The following NEGR1 variants were observed in gnomAD, a reference collection of about 807,000 sequenced individuals.
NEGR1 encodes the protein neuronal growth regulator 1.
In NEGR1, 10 loss-of-function variants were observed where a neutral mutation model predicts 40.9. The observed-to-expected ratio is 0.24, with a 90% CI of 0.15 to 0.42. The LOEUF (loss-of-function observed/expected upper bound fraction) is 0.42, where lower values mean the gene tolerates loss of function less well. Ranked by LOEUF, NEGR1 falls within the 10% of genes least tolerant of loss-of-function variation. The pLI, the probability that NEGR1 is intolerant of heterozygous loss-of-function variation, is 1.00. For missense variants in NEGR1, 352 were observed against 438.9 expected (o/e 0.80, Z 1.77); for synonymous variants, 185 against 166.8 (o/e 1.11, Z -0.84).
At chr1:72,202,678 G>C (rs1653258540) in intron 1 of NEGR1, among the ~76,000 whole-genome samples, 1 of 151,986 alleles carries the variant, frequency 6.6e-6, no homozygotes, top group African/African-American at 2.4e-5. Flanking sequence ...TGAAGGCTAG[G>C]AGAGGTGAAG....
intron 2 of NEGR1, among the ~76,000 whole-genome samples, chr1:71,928,584 TC>T (rs1480278553): frequency 5.4e-5 from 8 of 148,416 alleles, no homozygotes; most frequent in African/African-American, 2.0e-4. Context: ...ATATTTTTTT[TC>T]CTGAGACAGC....
At chr1:71,816,532 A>G (rs1278919759) in intron 2 of NEGR1, among the ~76,000 whole-genome samples, 4 of 152,036 alleles carry the variant, frequency 2.6e-5, no homozygotes, top group Non-Finnish European at 5.9e-5. Flanking sequence ...TTATAAAACC[A>G]TCAGATCTCA....
chr1:71,710,348 A>G (rs1048259608), intron 3 of NEGR1, among the ~76,000 whole-genome samples: 4 of 152,348 alleles, frequency 2.6e-5, no homozygotes, highest in South Asian at 2.1e-4. Flanking sequence ...TTGAGCTACC[A>G]TATGATGCAG....
At chr1:71,628,820 A>C (rs1650877055) in intron 4 of NEGR1, among the ~76,000 whole-genome samples, 1 of 152,026 alleles carries the variant, frequency 6.6e-6, no homozygotes, top group African/African-American at 2.4e-5. Flanking sequence ...ATCACTGATG[A>C]ACATTTGGGT....
intron 1 of NEGR1, among the ~76,000 whole-genome samples, chr1:71,979,051 T>C (rs1034955704): frequency 6.6e-6 from 1 of 152,142 alleles, no homozygotes; most frequent in Admixed American, 6.5e-5. Context: ...AACCATGTCC[T>C]TTGCAGGAAC....
chr1:71,780,040 C>CGAAAAAAAAAAAAA (rs1656652545), intron 2 of NEGR1, among the ~76,000 whole-genome samples: 1 of 99,734 alleles, frequency 1.0e-5, no homozygotes, highest in South Asian at 3.1e-4. Flanking sequence ...ATAGGAAAAC[C>CGAAAAAAAAAAAAA]AAAAAAAAAA....
intron 2 of NEGR1, among the ~76,000 whole-genome samples, chr1:71,858,549 A>T (rs1267863876): frequency 6.6e-6 from 1 of 152,070 alleles, no homozygotes; most frequent in African/African-American, 2.4e-5. Context: ...GAAGAAAAGT[A>T]AAGAGAATCT....
chr1:72,190,096 C>A (rs1217572734), intron 1 of NEGR1, among the ~76,000 whole-genome samples: 1 of 151,518 alleles, frequency 6.6e-6, no homozygotes, highest in Non-Finnish European at 1.5e-5. Flanking sequence ...TATTGGCATA[C>A]TAGCCACGTA....
intron 3 of NEGR1, among the ~76,000 whole-genome samples, chr1:71,705,677 G>T (rs534722903): frequency 1.3e-5 from 2 of 151,656 alleles, no homozygotes; most frequent in East Asian, 3.9e-4. Flanking sequence ...CTGAGATCGC[G>T]CCACTGCACT....
At chr1:71,958,570 C>A (rs1311393935) in intron 1 of NEGR1, among the ~76,000 whole-genome samples, 4 of 152,026 alleles carry the variant, frequency 2.6e-5, no homozygotes, top group Non-Finnish European at 4.4e-5. Flanking sequence ...ACTTACTCTG[C>A]CTCAAAAAAA....
intron 1 of NEGR1, among the ~76,000 whole-genome samples, chr1:71,944,599 G>T (rs1646000510): frequency 6.6e-6 from 1 of 152,086 alleles, no homozygotes; most frequent in Non-Finnish European, 1.5e-5. Flanking sequence ...ATACGGAAAG[G>T]TTCTAAATTC....
At chr1:72,099,876 T>G (rs1648864338) in intron 1 of NEGR1, among the ~76,000 whole-genome samples, 1 of 151,226 alleles carries the variant, frequency 6.6e-6, no homozygotes, top group African/African-American at 2.4e-5. Flanking sequence ...ATATATACTC[T>G]CTCTCTCTCC....
chr1:72,221,296 C>A (rs1360121653), intron 1 of NEGR1, among the ~76,000 whole-genome samples: 1 of 152,050 alleles, frequency 6.6e-6, no homozygotes, highest in Non-Finnish European at 1.5e-5. Context: ...AATTTGATTA[C>A]TGGAAAGCTC....
At chr1:71,604,387 A>C (rs1269913986) in intron 5 of NEGR1, among the ~76,000 whole-genome samples, 1 of 152,160 alleles carries the variant, frequency 6.6e-6, no homozygotes, top group African/African-American at 2.4e-5. Flanking sequence ...ATACAAAAAA[A>C]TTTTAACTCA....
intron 3 of NEGR1, among the ~76,000 whole-genome samples, chr1:71,725,851 T>A (rs1470580525): frequency 6.6e-6 from 1 of 152,110 alleles, no homozygotes. Flanking sequence ...ATGATGTCAA[T>A]ATCACTGCTC....
intron 3 of NEGR1, among the ~76,000 whole-genome samples, chr1:71,731,910 A>T (rs1408729654): frequency 6.6e-6 from 1 of 152,240 alleles, no homozygotes; most frequent in East Asian, 1.9e-4. Flanking sequence ...GAGTCAATTT[A>T]GCATGGTCAC....
intron 6 of NEGR1, among the ~76,000 whole-genome samples, chr1:71,576,198 T>G (rs1419797720): frequency 1.3e-5 from 2 of 152,198 alleles, no homozygotes; most frequent in Non-Finnish European, 2.9e-5. Context: ...AAAGTGAATC[T>G]TGACTCTTCC....
chr1:72,261,937 A>C (rs1224823641), intron 1 of NEGR1, among the ~76,000 whole-genome samples: 1 of 152,074 alleles, frequency 6.6e-6, no homozygotes, highest in Non-Finnish European at 1.5e-5. Flanking sequence ...GGTGATGTAT[A>C]CACTAAATGC....
Position 72,137,346 on chromosome 1 carries a change from A to C in NEGR1, c.176+144973T>G, listed in dbSNP as rs1005007995. 9.8e-5 allele frequency among the ~76,000 whole-genome samples: 15 copies of C among 152,304 alleles called. No homozygotes were observed. The East Asian group carries it at 2.5e-3, about 26-fold the overall frequency. ...AATAGAAAAGTCTTGGAATCAACCC[A>C]AATTCCAACCAGTGATAGACTAGAT... is the stretch of plus-strand genomic sequence containing the variant. On this transcript the variant is annotated intron_variant, in intron 1 of 6. Coordinates refer to ENST00000357731, the MANE Select transcript of NEGR1 (RefSeq NM_173808.3).
Sources: gnomAD v4.1 joint callset for allele counts (sites outside exome capture counted in the v4.1 genomes callset) on GRCh38, gnomAD v4.1.1 for gene constraint, MANE v1.5 for transcripts, NCBI Gene and HGNC (gene_info 2026-07-23, HGNC 2026-07-21) for gene names.